EEF1AKMT2: variants seen among roughly 807,000 people sequenced by gnomAD.
EEF1AKMT2 encodes EEF1A lysine methyltransferase 2, also known as eukaryotic translation elongation factor 1 alpha lysine methyltransferase 2.
EEF1AKMT2 carries 32 observed loss-of-function variants against 35.8 expected under a neutral mutation model. The ratio of observed to expected loss-of-function variants is 0.89; its 90% CI spans 0.67 to 1.20. EEF1AKMT2 has a LOEUF of 1.20. Ranked by LOEUF, EEF1AKMT2 falls within the 50% of genes most tolerant of loss-of-function variation. The pLI is 0.00. For synonymous variants in EEF1AKMT2, 121 were observed against 133.7 expected (o/e 0.91, Z 0.65); for missense variants, 330 against 347.5 (o/e 0.95, Z 0.40).
At chr10:124,779,035 T>G (rs751834676) in intron 3 of EEF1AKMT2, among the ~76,000 whole-genome samples, 3 of 152,144 alleles carry the variant, frequency 2.0e-5, no homozygotes, top group South Asian at 2.1e-4. Flanking sequence ...ACACCAAATA[T>G]TCTACGCCAC....
At chr10:124,762,928 GAACT>G (rs1159309737) in intron 5 of EEF1AKMT2, among the ~76,000 whole-genome samples, 1 of 151,988 alleles carries the variant, frequency 6.6e-6, no homozygotes, top group African/African-American at 2.4e-5. Context: ...TCAACTCCCT[GAACT>G]AACCCTACAG....
chr10:124,764,320 C>A (rs10159947), intron 5 of EEF1AKMT2, among the ~76,000 whole-genome samples: 3,164 of 129,110 alleles, frequency 0.025, 62 homozygotes, highest in Non-Finnish European at 0.038. Flanking sequence ...AAAAAAAAAA[C>A]AAACTAATCT....
At chr10:124,786,734 C>T (rs915750917) in intron 3 of EEF1AKMT2, among the ~76,000 whole-genome samples, 1 of 151,658 alleles carries the variant, frequency 6.6e-6, no homozygotes, top group African/African-American at 2.4e-5. Flanking sequence ...CGCTTGAACC[C>T]AGGAAGCAGA....
chr10:124,767,687 G>C (rs1404272171), intron 4 of EEF1AKMT2, among the ~76,000 whole-genome samples: 5 of 151,964 alleles, frequency 3.3e-5, no homozygotes, highest in African/African-American at 9.7e-5. Context: ...GTTTGGAAAA[G>C]AGTAGAAACT....
At chr10:124,767,098 T>G (rs1950384586) in intron 4 of EEF1AKMT2, among the ~76,000 whole-genome samples, 1 of 147,930 alleles carries the variant, frequency 6.8e-6, no homozygotes, top group Non-Finnish European at 1.5e-5. Context: ...GAGGCAGAGC[T>G]TGCAGTGAGC....
At chr10:124,784,157 C>T (rs1379391334) in intron 3 of EEF1AKMT2, among the ~76,000 whole-genome samples, 1 of 152,018 alleles carries the variant, frequency 6.6e-6, no homozygotes, top group Non-Finnish European at 1.5e-5. Flanking sequence ...ATGAAAAATT[C>T]CCCAAGACAC....
At chr10:124,779,661 TGGTGTGAACCTGG>T (rs1396107315) in intron 3 of EEF1AKMT2, among the ~76,000 whole-genome samples, 6 of 129,282 alleles carry the variant, frequency 4.6e-5, no homozygotes, top group Non-Finnish European at 4.7e-5. Context: ...GGCAGGAGAA[TGGTGTGAACCTGG>T]GAGGTGGAGC....
chr10:124,790,410 A>ATGTAT, intron 1 of EEF1AKMT2, 72 bp from the exon 2 acceptor site: 1 of 1,082,312 alleles, frequency 9.2e-7, no homozygotes, highest in East Asian at 2.4e-5. Context: ...TATGTTTCTA[A>ATGTAT]TACATTACAG....
Position 124,758,058 on chromosome 10 carries a change from A to C in EEF1AKMT2, c.*2445T>G, listed in dbSNP as rs1036218427. On this transcript the variant is annotated 3_prime_UTR_variant, in exon 7 of 7. Transcript: ENST00000368836. ...TACACACAGAAGTGGCCTGTTATGC[A>C]GCAATAATCATAGTGAAAAGCAGCA... 5 of 152,222 alleles carry C rather than the reference A, an allele frequency of 3.3e-5. No homozygotes were observed. The highest frequency in any genetic ancestry group is 1.2e-4 in the African/African-American group (5 of 41,462). 9.4% of individuals were successfully genotyped at this position (152,222 alleles called of 1,614,324 possible). A position where few individuals can be genotyped will look rare whatever the true frequency, so the allele number is the denominator to read the frequency against.
intron 2 of EEF1AKMT2, among the ~76,000 whole-genome samples, chr10:124,789,912 G>C (rs1384978405): frequency 7.2e-6 from 1 of 138,466 alleles, no homozygotes; most frequent in African/African-American, 2.7e-5. Flanking sequence ...TTTTTTTTGA[G>C]ATGGAGTCTC....
intron 5 of EEF1AKMT2, among the ~76,000 whole-genome samples, chr10:124,763,984 A>G (rs1279426066): frequency 6.6e-6 from 1 of 152,166 alleles, no homozygotes; most frequent in Non-Finnish European, 1.5e-5. Context: ...ATGAAGCCAT[A>G]AGCTCATATT....
chr10:124,771,275 AT>A (rs1363106335), intron 4 of EEF1AKMT2, among the ~76,000 whole-genome samples: 4 of 151,626 alleles, frequency 2.6e-5, no homozygotes, highest in African/African-American at 7.3e-5. Flanking sequence ...AATTCTTTGT[AT>A]TTTTAGTAGA....
intron 4 of EEF1AKMT2, chr10:124,765,841 C>A: frequency 2.5e-6 from 1 of 393,614 alleles, no homozygotes; most frequent in Non-Finnish European, 4.5e-6. Flanking sequence ...CAAATCTCTA[C>A]AAATTTGGAA....
chr10:124,774,134 G>A (rs1375502754), intron 4 of EEF1AKMT2, among the ~76,000 whole-genome samples: 18 of 152,164 alleles, frequency 1.2e-4, no homozygotes, highest in South Asian at 4.1e-4. Flanking sequence ...CTGGGAGGCC[G>A]AAGCGGGCAG....
rs1056281290 is a variant in EEF1AKMT2 at position 124,758,852 on chromosome 10, T to A, written c.*1651A>T. The A allele has an allele frequency of 2.6e-5, 4 of 152,210 alleles. No individual in the cohort carries two copies. The highest frequency in any genetic ancestry group is 9.6e-5 in the African/African-American group (4 of 41,462). 9.4% of individuals were successfully genotyped at this position (152,210 alleles called of 1,614,324 possible). A position where few individuals can be genotyped will look rare whatever the true frequency, so the allele number is the denominator to read the frequency against. On this transcript the variant is annotated 3_prime_UTR_variant, in exon 7 of 7. Transcript: ENST00000368836. ...AATCTTCTAAAAAATTTAAATTGCA[T>A]ATATTTTGAAGTAATTTCTCACTTT... is the stretch of plus-strand genomic sequence containing the variant.
chr10:124,774,585 T>A lies in EEF1AKMT2; in HGVS notation c.399+90A>T, dbSNP rs554597508. Reference sequence around the variant, plus strand: ...ATTTGTATTATTTATGATTGATCCCTAATTTATGAGTTTAAAACCTGTCAA... The same window carrying A: ...ATTTGTATTATTTATGATTGATCCCAAATTTATGAGTTTAAAACCTGTCAA... On this transcript the variant is annotated intron_variant, in intron 4 of 6. Coordinates refer to ENST00000368836, the MANE Select transcript of EEF1AKMT2 (RefSeq NM_212554.4). The A allele has an allele frequency of 1.5e-4, 96 of 641,908 alleles. No individual in the cohort carries two copies. In the African/African-American group the frequency reaches 1.8e-3, roughly 12 times the overall value. The allele number at this position is 641,908 out of a possible 1,614,324, so 39.8% of individuals were successfully genotyped here.
At chr10:124,762,755 T>C (rs181151304) in intron 5 of EEF1AKMT2, among the ~76,000 whole-genome samples, 197 bp from the exon 6 acceptor site, 1 of 152,334 alleles carries the variant, frequency 6.6e-6, no homozygotes, top group Non-Finnish European at 1.5e-5. Context: ...TGACATTCCT[T>C]TTAATAAAAT....
At chr10:124,760,602 A>G (rs1359895658) in intron 6 of EEF1AKMT2, 99 bp from the exon 7 acceptor site, 1 of 889,310 alleles carries the variant, frequency 1.1e-6, no homozygotes, top group Admixed American at 2.3e-5. Flanking sequence ...ACCCTTTGTA[A>G]AACTATGATT....
intron 4 of EEF1AKMT2, among the ~76,000 whole-genome samples, chr10:124,767,128 T>C (rs1589780810): frequency 7.6e-6 from 1 of 131,086 alleles, no homozygotes. Flanking sequence ...GCCATTGCAC[T>C]CCAGCCTGGG....
Sources: allele counts gnomAD v4.1 joint callset (sites outside exome capture counted in the v4.1 genomes callset), GRCh38; gene constraint gnomAD v4.1.1; transcripts MANE v1.5; gene names NCBI Gene and HGNC (gene_info 2026-07-23, HGNC 2026-07-21).